ASTN2: variants seen among roughly 807,000 people sequenced by gnomAD.
ASTN2 encodes astrotactin 2, also known as astrotactin-2.
Under a neutral mutation model 139.8 loss-of-function variants are expected in ASTN2, and 54 were observed. That is an observed-to-expected ratio of 0.39 (90% CI 0.31 to 0.48). The LOEUF is 0.48. Ranked by LOEUF, ASTN2 falls within the 20% of genes least tolerant of loss-of-function variation. ASTN2 has a pLI of 0.95. For synonymous variants in ASTN2, 756 were observed against 719.5 expected (o/e 1.05, Z -0.81); for missense variants, 1,565 against 1,725.1 (o/e 0.91, Z 1.64).
Position 116,728,716 on chromosome 9 carries a change from C to G in ASTN2, c.2626+276G>C, listed in dbSNP as rs1198839623. Among the ~76,000 whole-genome samples, 3 of 152,112 alleles carry G rather than the reference C, an allele frequency of 2.0e-5. No individual in the cohort carries two copies. In the East Asian group the frequency reaches 5.8e-4, roughly 29 times the overall value. ...ACTCTCCTATTCATCCCTCCACACCCTACTCAGATACCTTTTCCTCCAGGA... is the reference window on the plus strand; with the variant it reads ...ACTCTCCTATTCATCCCTCCACACCGTACTCAGATACCTTTTCCTCCAGGA... On this transcript the variant is annotated intron_variant, in intron 15 of 22. Coordinates refer to ENST00000313400, the MANE Select transcript of ASTN2 (RefSeq NM_001365068.1).
At chr9:117,114,024 C>G (rs138620102) in intron 4 of ASTN2, among the ~76,000 whole-genome samples, 1 of 149,970 alleles carries the variant, frequency 6.7e-6, no homozygotes, top group African/African-American at 2.5e-5. Context: ...TTTTAAGTTG[C>G]ATGTAGAAAA....
intron 10 of ASTN2, among the ~76,000 whole-genome samples, chr9:116,961,640 C>G (rs543082884): frequency 5.4e-4 from 83 of 152,298 alleles, no homozygotes; most frequent in Non-Finnish European, 9.8e-4. Flanking sequence ...GTGAAAAACA[C>G]TGCTATCAGT....
At chr9:117,009,203 C>A (rs1416958961) in intron 6 of ASTN2, among the ~76,000 whole-genome samples, 2 of 152,084 alleles carry the variant, frequency 1.3e-5, no homozygotes, top group Non-Finnish European at 2.9e-5. Flanking sequence ...TTATTATCAA[C>A]CAATTTTTCA....
Position 116,822,158 on chromosome 9 carries a change from T to A in ASTN2, c.2041-1375A>T, listed in dbSNP as rs777711873. 8.1e-4 allele frequency among the ~76,000 whole-genome samples: 118 copies of A among 146,388 alleles called. 1 individual carries two copies. The highest frequency in any genetic ancestry group is 1.4e-3 in the Non-Finnish European group (94 of 67,246). On this transcript the variant is annotated intron_variant, in intron 11 of 22. Coordinates refer to ENST00000313400, the MANE Select transcript of ASTN2 (RefSeq NM_001365068.1). ...CCTAAACAACATCAATAATAAAACA[T>A]ACTCACAAAAATTAATTTACAAAAA...
intron 11 of ASTN2, among the ~76,000 whole-genome samples, chr9:116,852,463 G>T (rs528738775): frequency 3.1e-4 from 47 of 152,232 alleles, no homozygotes. Flanking sequence ...CTCTCTCTAG[G>T]AACGTCTGTC....
chr9:116,667,130 A>AT (rs1163983936), intron 16 of ASTN2, among the ~76,000 whole-genome samples: 2 of 151,118 alleles, frequency 1.3e-5, no homozygotes, highest in Non-Finnish European at 2.9e-5. Flanking sequence ...TAATTTTTGT[A>AT]TTTTTAATAG....
chr9:116,728,671 C>T (rs111388385), intron 15 of ASTN2, among the ~76,000 whole-genome samples: 5,258 of 152,158 alleles, frequency 0.035, 319 homozygotes, highest in African/African-American at 0.12. Context: ...ATAAATATGA[C>T]TTAGATACTG....
intron 13 of ASTN2, among the ~76,000 whole-genome samples, chr9:116,793,354 G>T (rs965618118): frequency 7.2e-5 from 11 of 152,258 alleles, no homozygotes; most frequent in Admixed American, 3.9e-4. Flanking sequence ...CAGCAGGAAC[G>T]GGGGACACAG....
At chr9:116,628,337 C>G (rs1340840513) in intron 17 of ASTN2, among the ~76,000 whole-genome samples, 1 of 152,164 alleles carries the variant, frequency 6.6e-6, no homozygotes, top group African/African-American at 2.4e-5. Flanking sequence ...TACTGTGTGA[C>G]CTCAGTAAGT....
intron 13 of ASTN2, among the ~76,000 whole-genome samples, chr9:116,740,763 G>A (rs1043495781): frequency 2.6e-5 from 4 of 151,614 alleles, no homozygotes; most frequent in Non-Finnish European, 5.9e-5. Context: ...ATCTGCCCGT[G>A]TCAGCCTCTC....
At position 116,636,135 on chromosome 9, in the gene ASTN2, A is replaced by G. The variant is rs556564594; in HGVS notation, c.3072+15393T>C. 2.6e-5 allele frequency among the ~76,000 whole-genome samples: 4 copies of G among 152,344 alleles called. No homozygotes were observed. The South Asian group carries it at 6.2e-4, about 24-fold the overall frequency. On this transcript the variant is annotated intron_variant, in intron 17 of 22. Coordinates refer to ENST00000313400, the MANE Select transcript of ASTN2 (RefSeq NM_001365068.1). ...AAACAAGGGTTTAAATCTTAGCTCC[A>G]TAACCTACTGCTATGTAATACTGAT...
chr9:116,537,339 T>C (rs913180380), intron 19 of ASTN2, among the ~76,000 whole-genome samples: 2 of 152,256 alleles, frequency 1.3e-5, no homozygotes, highest in Non-Finnish European at 2.9e-5. Flanking sequence ...AATTTATTCA[T>C]GTTTACATAA....
chr9:116,680,941 G>T (rs1008722505), intron 16 of ASTN2, among the ~76,000 whole-genome samples: 1 of 152,134 alleles, frequency 6.6e-6, no homozygotes, highest in African/African-American at 2.4e-5. Context: ...AAAACTGGAA[G>T]CATTCCCTTT....
chr9:116,929,443 G>A (rs546934614), intron 10 of ASTN2, among the ~76,000 whole-genome samples: 39 of 152,268 alleles, frequency 2.6e-4, no homozygotes, highest in African/African-American at 8.7e-4. Flanking sequence ...TGAACCCTAA[G>A]GAGAGGCACT....
chr9:116,437,116 G>C, intron 22 of ASTN2: 1 of 323,998 alleles, frequency 3.1e-6, no homozygotes, highest in Non-Finnish European at 6.1e-6. Flanking sequence ...TAGATGACGA[G>C]TTAGTGGGTG....
At chr9:117,121,927 G>A (rs1193186837) in intron 4 of ASTN2, among the ~76,000 whole-genome samples, 1 of 152,148 alleles carries the variant, frequency 6.6e-6, no homozygotes, top group Non-Finnish European at 1.5e-5. Context: ...AGAACAGCAA[G>A]GGGGAAATCC....
chr9:117,137,027 G>GC (rs141965729), intron 4 of ASTN2, among the ~76,000 whole-genome samples: 29,803 of 152,092 alleles, frequency 0.2, 3,558 homozygotes, highest in Middle Eastern at 0.33. Flanking sequence ...AATTTCTTCT[G>GC]TACATCCAAA....
chr9:117,176,890 C>T (rs922328734), intron 3 of ASTN2, among the ~76,000 whole-genome samples: 4 of 152,174 alleles, frequency 2.6e-5, no homozygotes, highest in Admixed American at 2.0e-4. Flanking sequence ...CACCACTGCA[C>T]TCTAGCCTGG....
chr9:117,049,337 T>C (rs1838846985), intron 5 of ASTN2, among the ~76,000 whole-genome samples: 2 of 152,270 alleles, frequency 1.3e-5, no homozygotes, highest in South Asian at 4.1e-4. Context: ...CCCAAGTATA[T>C]ATCTGGTATT....
Sources: gnomAD v4.1 joint callset for allele counts (sites outside exome capture counted in the v4.1 genomes callset) on GRCh38, gnomAD v4.1.1 for gene constraint, MANE v1.5 for transcripts, NCBI Gene and HGNC (gene_info 2026-07-23, HGNC 2026-07-21) for gene names.